The following HTR2C variants were observed in gnomAD, a reference collection of about 807,000 sequenced individuals.
The protein encoded by HTR2C is 5-hydroxytryptamine (serotonin) receptor 2C, G protein-coupled.
HTR2C carries 5 observed loss-of-function variants against 21.0 expected under a neutral mutation model. The ratio of observed to expected loss-of-function variants is 0.24; its 90% CI spans 0.12 to 0.50. HTR2C has a LOEUF of 0.50. HTR2C is among the 20% of genes least tolerant of loss of function. The pLI, the probability that HTR2C is intolerant of heterozygous loss-of-function variation, is 0.98. For missense variants in HTR2C, 271 were observed against 371.2 expected, an observed-to-expected ratio of 0.73 and a Z score of 2.22; for synonymous variants, 150 against 145.3, an observed-to-expected ratio of 1.03 and a Z score of -0.23.
chrX:114,894,196 A>C (rs1299791866), intron 5 of HTR2C, among the ~76,000 whole-genome samples: 1 of 105,076 alleles, frequency 9.5e-6, no homozygotes, highest in Non-Finnish European at 1.9e-5. Flanking sequence ...GTCTACACAC[A>C]AAAAAAATCT....
In HTR2C at chrX:114,907,652, A is replaced by G. The variant is rs1024549610; in HGVS notation, c.*237A>G. The G allele has an allele frequency of 3.4e-6, 1 of 297,247 alleles. No individual in the cohort carries two copies. Among genetic ancestry groups the G allele is most frequent in the Middle Eastern group, 9.3e-4 (1 of 1,071 alleles). 24.5% of individuals were successfully genotyped at this position (297,247 alleles called of 1,213,427 possible). A position where few individuals can be genotyped will look rare whatever the true frequency, so the allele number is the denominator to read the frequency against. On this transcript the variant is annotated 3_prime_UTR_variant, in exon 6 of 6. Coordinates refer to ENST00000276198, the MANE Select transcript of HTR2C (RefSeq NM_000868.4). Reference sequence around the variant, plus strand: ...TTATTTTGATTGTTTGATGAATAAAATGTTTATTTTTGCTCTCCCTCCCTT... The same window carrying G: ...TTATTTTGATTGTTTGATGAATAAAGTGTTTATTTTTGCTCTCCCTCCCTT...
chrX:114,794,880 G>T (rs1236618562), intron 4 of HTR2C, among the ~76,000 whole-genome samples: 2 of 109,639 alleles, frequency 1.8e-5, no homozygotes, highest in Non-Finnish European at 3.8e-5. Context: ...ATAGTCCTTT[G>T]GGTATATACC....
At chrX:114,595,810 C>CA (rs34336299) in intron 1 of HTR2C, among the ~76,000 whole-genome samples, 9 of 107,746 alleles carry the variant, frequency 8.4e-5, no homozygotes, top group Non-Finnish European at 1.3e-4. Context: ...GATTAAAACA[C>CA]AAAAAAAAAA....
intron 2 of HTR2C, among the ~76,000 whole-genome samples, chrX:114,720,650 A>G (rs1277572464): frequency 1.3e-5 from 1 of 74,274 alleles, no homozygotes; most frequent in Non-Finnish European, 2.6e-5. Flanking sequence ...ATATCTCCCA[A>G]TGCTATCCCT....
chrX:114,815,037 A>T (rs1461599767), intron 4 of HTR2C, among the ~76,000 whole-genome samples: 1 of 105,221 alleles, frequency 9.5e-6, no homozygotes, highest in African/African-American at 3.4e-5. Context: ...TGTATATCAT[A>T]TAATAAATGG....
chrX:114,794,150 A>T (rs1399235434), intron 4 of HTR2C, among the ~76,000 whole-genome samples: 2 of 110,639 alleles, frequency 1.8e-5, no homozygotes, highest in African/African-American at 3.3e-5. Context: ...CTTAAGGAAG[A>T]CTCACTAATA....
intron 4 of HTR2C, among the ~76,000 whole-genome samples, chrX:114,819,791 A>T (rs782704528): frequency 2.7e-4 from 30 of 112,353 alleles, no homozygotes; most frequent in Admixed American, 1.2e-3. Flanking sequence ...GGAACTGAAA[A>T]TTGTTTTAAT....
intron 2 of HTR2C, among the ~76,000 whole-genome samples, chrX:114,653,780 ATAAAG>A (rs1227481563): frequency 1.8e-5 from 2 of 111,189 alleles, no homozygotes; most frequent in Non-Finnish European, 3.8e-5. Context: ...TGTTTGCTGA[ATAAAG>A]TAATAGCCAC....
In HTR2C at chrX:114,886,027, G is replaced by A. The variant is rs1175453722; in HGVS notation, c.551-20562G>A. Among the ~76,000 whole-genome samples the A allele has an allele frequency of 4.5e-5, 5 of 110,646 alleles. No individual in the cohort carries two copies. In the Admixed American group the frequency reaches 4.8e-4, roughly 11 times the overall value. On this transcript the variant is annotated intron_variant, in intron 5 of 5. Coordinates refer to ENST00000276198, the MANE Select transcript of HTR2C (RefSeq NM_000868.4). ...TTCCATTTTCACTTCATGCATTTTG[G>A]TGTTCTGTTATTGGTACATATATGT...
In HTR2C at chrX:114,844,731, T is replaced by C. The variant is rs781922709; in HGVS notation, c.350-3272T>C. Among the ~76,000 whole-genome samples the C allele has an allele frequency of 9.0e-5, 10 of 111,401 alleles. No homozygotes were observed. The South Asian group carries it at 3.7e-3, about 41-fold the overall frequency. On this transcript the variant is annotated intron_variant, in intron 4 of 5. Transcript: ENST00000276198. ...AGGTGGCTGAACTTGTCAGACAAAA[T>C]AGAACTTACAAAGATAGTTGTTGTG...
chrX:114,856,902 G>A, intron 5 of HTR2C, among the ~76,000 whole-genome samples: 1 of 110,853 alleles, frequency 9.0e-6, no homozygotes, highest in African/African-American at 3.3e-5. Context: ...CAGTAAAATT[G>A]TAAACACATT....
intron 2 of HTR2C, among the ~76,000 whole-genome samples, chrX:114,623,286 C>G (rs1253066641): frequency 2.7e-5 from 3 of 112,059 alleles, no homozygotes; most frequent in Admixed American, 9.5e-5. Flanking sequence ...ATATTAAGTA[C>G]CTAACACATA....
intron 4 of HTR2C, among the ~76,000 whole-genome samples, chrX:114,815,842 T>G (rs181949415): frequency 8.8e-4 from 98 of 111,550 alleles, no homozygotes; most frequent in African/African-American, 3.0e-3. Flanking sequence ...TTGCCCCTCC[T>G]CTGTGATCAG....
intron 5 of HTR2C, among the ~76,000 whole-genome samples, chrX:114,869,923 AT>A (rs2147509048): frequency 9.0e-6 from 1 of 111,437 alleles, no homozygotes; most frequent in East Asian, 2.9e-4. Flanking sequence ...AAATGATCAT[AT>A]TGTTTTTGTT....
At chrX:114,793,175 A>G (rs2070252010) in intron 4 of HTR2C, among the ~76,000 whole-genome samples, 1 of 110,792 alleles carries the variant, frequency 9.0e-6, no homozygotes, top group African/African-American at 3.3e-5. Context: ...CTTTTGGTGA[A>G]TTCATCATAA....
At chrX:114,744,288 A>G (rs1020008767) in intron 4 of HTR2C, among the ~76,000 whole-genome samples, 1 of 108,450 alleles carries the variant, frequency 9.2e-6, no homozygotes, top group Non-Finnish European at 1.9e-5. Flanking sequence ...GAAAGTAAGG[A>G]CGGTCTCAAA....
intron 1 of HTR2C, among the ~76,000 whole-genome samples, chrX:114,591,086 G>GT (rs782677763): frequency 2.2e-4 from 25 of 111,361 alleles, no homozygotes; most frequent in African/African-American, 6.8e-4. Flanking sequence ...GAATCTATTA[G>GT]TTTTTTTTAT....
chrX:114,602,732 T>C (rs868909502), intron 1 of HTR2C, among the ~76,000 whole-genome samples: 778 of 16,120 alleles, frequency 0.048, 8 homozygotes, highest in East Asian at 0.16. Flanking sequence ...AGGCCTTTAC[T>C]TATTCAGTGA....
intron 4 of HTR2C, among the ~76,000 whole-genome samples, chrX:114,767,226 A>T (rs1424315801): frequency 9.0e-6 from 1 of 110,852 alleles, no homozygotes; most frequent in African/African-American, 3.3e-5. Context: ...TTTTTGCCCT[A>T]TTTAGAATAA....
Sources: allele counts gnomAD v4.1 joint callset (sites outside exome capture counted in the v4.1 genomes callset), GRCh38; gene constraint gnomAD v4.1.1; transcripts MANE v1.5; gene names NCBI Gene and HGNC (gene_info 2026-07-23, HGNC 2026-07-21).